ATP10D: variants seen among roughly 807,000 people sequenced by gnomAD.
ATP10D encodes phospholipid-transporting ATPase VD.
A neutral mutation model predicts 144.8 loss-of-function variants in ATP10D; 89 were observed. The ratio of observed to expected loss-of-function variants is 0.61; its 90% CI spans 0.52 to 0.73. The LOEUF (loss-of-function observed/expected upper bound fraction) is 0.73, where lower values mean the gene tolerates loss of function less well. Ranked by LOEUF, ATP10D falls within the 30% of genes least tolerant of loss-of-function variation. The probability of loss-of-function intolerance (pLI) is 0.00; values close to 1 mark genes in which losing one functional copy is unlikely to be tolerated. For missense variants in ATP10D, 1,603 were observed against 1,714.8 expected (o/e 0.93, Z 1.15); for synonymous variants, 571 against 615.1 (o/e 0.93, Z 1.06).
At chr4:47,525,534 T>G (rs556952354) in intron 4 of ATP10D, 23 bp from the exon 5 acceptor site, 4 of 1,543,060 alleles carry the variant, frequency 2.6e-6, no homozygotes, top group Non-Finnish European at 3.6e-6. Flanking sequence ...ATTCTTATTT[T>G]GTGATTCAAA....
In ATP10D at chr4:47,592,928, T is replaced by C. The variant is rs1242375165; in HGVS notation, c.*1547T>C. The C allele has an allele frequency of 6.6e-6, 1 of 152,460 alleles. No homozygotes were observed. The highest frequency in any genetic ancestry group is 1.5e-5 in the Non-Finnish European group (1 of 68,002). 9.4% of individuals were successfully genotyped at this position (152,460 alleles called of 1,614,324 possible). A position where few individuals can be genotyped will look rare whatever the true frequency, so the allele number is the denominator to read the frequency against. The stretch of plus-strand genomic sequence containing the variant: ...CTTGTAAACATTTGCCAAATCCAAC[T>C]GTAATTAGTACCAGAACTTAGAAGG... On this transcript the variant is annotated 3_prime_UTR_variant, in exon 23 of 23. Coordinates refer to ENST00000273859, the MANE Select transcript of ATP10D (RefSeq NM_020453.4).
chr4:47,559,129 G>A (rs2109449477), intron 13 of ATP10D, 100 bp downstream of exon 13: 3 of 821,974 alleles, frequency 3.6e-6, no homozygotes, highest in African/African-American at 1.7e-5. Context: ...CAGATGCTGG[G>A]GAAAGTCCCC....
chr4:47,545,478 G>T (rs1718368107), intron 9 of ATP10D, among the ~76,000 whole-genome samples: 1 of 152,212 alleles, frequency 6.6e-6, no homozygotes, highest in Admixed American at 6.5e-5. Context: ...TATTGCACTG[G>T]TCCAGTTGAG....
intron 1 of ATP10D, among the ~76,000 whole-genome samples, chr4:47,511,564 T>A (rs942569617): frequency 1.3e-5 from 2 of 152,232 alleles, no homozygotes; most frequent in Non-Finnish European, 2.9e-5. Context: ...CAGGTAGGGC[T>A]GCATTTCTTG....
chr4:47,491,049 G>A (rs1376278387), intron 1 of ATP10D: 3 of 720,460 alleles, frequency 4.2e-6, no homozygotes, highest in Non-Finnish European at 7.8e-6. Flanking sequence ...CTCTCACAAA[G>A]TGTGCTTCTC....
chr4:47,516,440 T>A (rs1365200343), intron 3 of ATP10D, among the ~76,000 whole-genome samples: 1 of 152,180 alleles, frequency 6.6e-6, no homozygotes. Flanking sequence ...AAGGTGAGTC[T>A]TAAACTGTAG....
At position 47,569,013 on chromosome 4, in the gene ATP10D, A is replaced by C. The variant is rs1179067660; in HGVS notation, c.3030A>C (p.Glu1010Asp). ...TGKTLEFALQESLQKQFLELT... is the reference protein window; with the variant it reads ...TGKTLEFALQDSLQKQFLELT... Reference sequence around the variant, plus strand: ...AGACCCTGGAGTTTGCCCTGCAAGAAAGTCTGCAAAAGCAGTTCCTGGAAC... The same window carrying C: ...AGACCCTGGAGTTTGCCCTGCAAGACAGTCTGCAAAAGCAGTTCCTGGAAC... Residue 1010 changes from glutamate to aspartate, a missense_variant, in exon 16 of 23, where the codon GAA (glutamate) becomes GAC (aspartate). By Grantham distance (45) the Glu-to-Asp change is conservative. Coordinates refer to ENST00000273859, the MANE Select transcript of ATP10D (RefSeq NM_020453.4). The C allele has an allele frequency of 6.2e-7, 1 of 1,614,082 alleles. No individual in the cohort carries two copies. The highest frequency in any genetic ancestry group is 2.2e-5 in the East Asian group (1 of 44,894).
intron 1 of ATP10D, among the ~76,000 whole-genome samples, chr4:47,494,290 A>T (rs1715236044): frequency 6.6e-6 from 1 of 152,076 alleles, no homozygotes; most frequent in Non-Finnish European, 1.5e-5. Context: ...TGTGAATCTT[A>T]TGACTTTCAG....
At chr4:47,506,712 A>G (rs1227326978) in intron 1 of ATP10D, among the ~76,000 whole-genome samples, 1 of 152,202 alleles carries the variant, frequency 6.6e-6, no homozygotes, top group Non-Finnish European at 1.5e-5. Context: ...TGTGATCATC[A>G]TTGAACTTCA....
intron 5 of ATP10D, among the ~76,000 whole-genome samples, chr4:47,532,968 T>A (rs961950106): frequency 6.6e-6 from 1 of 152,160 alleles, no homozygotes; most frequent in Admixed American, 6.6e-5. Flanking sequence ...ACTCTGAAGG[T>A]ACCATACCGT....
Position 47,568,905 on chromosome 4 carries a change from G to A in ATP10D, c.2922G>A (p.Glu974=), listed in dbSNP as rs1425863132. Residue 974 remains glutamate, a synonymous_variant, in exon 16 of 23, where the codon GAG becomes GAA. Transcript: ENST00000273859. ...AGAAGAAAACTCAAGCCCTGCCAGA[G>A]CAAGTGTCATTAAGTGAAGATTTAC... The part of the protein sequence containing the change: ...ELQKKTQALP[E]QVSLSEDLLQ... The A allele has an allele frequency of 6.2e-7, 1 of 1,614,088 alleles. No individual in the cohort carries two copies. The highest frequency in any genetic ancestry group is 8.5e-7 in the Non-Finnish European group (1 of 1,180,056).
intron 15 of ATP10D, among the ~76,000 whole-genome samples, chr4:47,567,085 A>G (rs1396284757): frequency 4.6e-5 from 7 of 152,356 alleles, no homozygotes; most frequent in African/African-American, 1.7e-4. Flanking sequence ...AAAAGAAGGC[A>G]TCATGGTGTT....
chr4:47,581,130 C>T lies in ATP10D; in HGVS notation c.3648+652C>T, dbSNP rs768558150. 2.0e-5 allele frequency among the ~76,000 whole-genome samples: 3 copies of T among 152,010 alleles called. No homozygotes were observed. The East Asian group carries it at 5.8e-4, about 29-fold the overall frequency. On this transcript the variant is annotated intron_variant, in intron 20 of 22. Transcript: ENST00000273859. ...TAGTGAGTGCTGGGCTAATTCTACT[C>T]GAATGATATTCAGAGCATTAAATTT...
intron 2 of ATP10D, among the ~76,000 whole-genome samples, chr4:47,513,316 A>G (rs1448110657): frequency 6.6e-6 from 1 of 152,186 alleles, no homozygotes; most frequent in Non-Finnish European, 1.5e-5. Flanking sequence ...ATCTCCTGTG[A>G]GTTTAGGCAC....
At chr4:47,487,626 G>A (rs891926048) in intron 1 of ATP10D, among the ~76,000 whole-genome samples, 5 of 152,060 alleles carry the variant, frequency 3.3e-5, no homozygotes, top group African/African-American at 7.3e-5. Flanking sequence ...ACTATTCCTC[G>A]TCAGTTATTC....
intron 17 of ATP10D, 65 bp from the exon 18 acceptor site, chr4:47,572,807 G>C (rs1052727983): frequency 1.1e-5 from 17 of 1,604,432 alleles, no homozygotes; most frequent in African/African-American, 1.3e-5. Flanking sequence ...CCCAAGAATT[G>C]TGCTGTGTCT....
chr4:47,570,982 CTGG>C (rs556142992), intron 16 of ATP10D, among the ~76,000 whole-genome samples: 282 of 152,154 alleles, frequency 1.9e-3, no homozygotes, highest in Non-Finnish European at 3.4e-3. Flanking sequence ...TGTTTTCCCT[CTGG>C]ACTGCTTCCA....
chr4:47,590,972 TATTTGGGGGGGGGGGTTCTGTAATGC>T, intron 22 of ATP10D, 44 bp from the exon 23 acceptor site: 3 of 1,038,046 alleles, frequency 2.9e-6, no homozygotes, highest in Non-Finnish European at 4.0e-6. Context: ...AATTCGTTAG[TATTTGGGGGGGGGGGTTCTGTAATGC>T]ATTTGAGATG....
At position 47,591,643 on chromosome 4, in the gene ATP10D, A is replaced by C. The variant is rs1057511764; in HGVS notation, c.*262A>C. 6 of 271,316 alleles carry C rather than the reference A, an allele frequency of 2.2e-5. No homozygotes were observed. Among genetic ancestry groups the C allele is most frequent in the Admixed American group, 1.0e-4 (2 of 19,106 alleles). The allele number at this position is 271,316 out of a possible 1,614,324, so 16.8% of individuals were successfully genotyped here. On this transcript the variant is annotated 3_prime_UTR_variant, in exon 23 of 23. Transcript: ENST00000273859. ...TTTTGTAAAACTTTTTGGATTTTGTAAAAGCATTTTCATTCTCTTAGAAAT... is the reference window on the plus strand; with the variant it reads ...TTTTGTAAAACTTTTTGGATTTTGTCAAAGCATTTTCATTCTCTTAGAAAT...
Sources: allele counts gnomAD v4.1 joint callset (sites outside exome capture counted in the v4.1 genomes callset), GRCh38; gene constraint gnomAD v4.1.1; transcripts MANE v1.5; gene names NCBI Gene and HGNC (gene_info 2026-07-23, HGNC 2026-07-21).